GTF2F1: variants seen among roughly 807,000 people sequenced by gnomAD.
GTF2F1 encodes the protein general transcription factor IIF 74 kDa subunit.
A neutral mutation model predicts 63.5 loss-of-function variants in GTF2F1; 39 were observed. The observed-to-expected ratio is 0.61, with a 90% CI of 0.48 to 0.80. The LOEUF is 0.80. GTF2F1 is among the 30% of genes least tolerant of loss of function. GTF2F1 has a pLI of 0.00. For missense variants in GTF2F1, 657 were observed against 718.3 expected (o/e 0.91, Z 0.97); for synonymous variants, 287 against 285.3 (o/e 1.01, Z -0.06).
rs2145070906 is a variant in GTF2F1, at chr19:6,380,624, G to C, written c.1298C>G (p.Ser433Cys). Reference sequence around the variant, plus strand: ...TGGTGGCTGGGGTGTCGACTTCCCAGACAGGCTCTGGGGTCCCGTGTCCAG... The same window carrying C: ...TGGTGGCTGGGGTGTCGACTTCCCACACAGGCTCTGGGGTCCCGTGTCCAG... ...LRLDTGPQSLSGKSTPQPPSG... is the reference protein window; with the variant it reads ...LRLDTGPQSLCGKSTPQPPSG... Residue 433 changes from serine (S) to cysteine (C), a missense_variant, in exon 12 of 13, where the codon TCT becomes TGT. Transcript: ENST00000394456. This position sits in a 1 kb window ranked among gnomAD's most constrained non-coding sequence, Gnocchi z 5.3. 3 of 1,613,960 alleles carry C rather than the reference G, an allele frequency of 1.9e-6. No homozygotes were observed. The African/African-American group carries it at 4.0e-5, about 22-fold the overall frequency.
chr19:6,386,833 CCA>C (rs1205572206), intron 5 of GTF2F1: 1 of 153,840 alleles, frequency 6.5e-6, no homozygotes, highest in Non-Finnish European at 1.4e-5. Flanking sequence ...GTAGATGCGT[CCA>C]GAGTGCCCTC....
At position 6,380,125 on chromosome 19, in the gene GTF2F1, T is replaced by C. The variant is rs1020544351; in HGVS notation, c.*156A>G. 2 of 723,704 alleles carry C rather than the reference T, an allele frequency of 2.8e-6. No homozygotes were observed. The highest frequency in any genetic ancestry group is 3.5e-5 in the African/African-American group (2 of 57,448). 44.8% of individuals were successfully genotyped at this position (723,704 alleles called of 1,614,324 possible). On this transcript the variant is annotated 3_prime_UTR_variant, in exon 13 of 13. Coordinates refer to ENST00000394456, the MANE Select transcript of GTF2F1 (RefSeq NM_002096.3). The surrounding 1 kb of genome is among the most constrained non-coding windows in gnomAD (Gnocchi z 5.3). Reference sequence around the variant, plus strand: ...TCCAGAATTGCTAACTACGGGGCCCTGGGAGTCAGGGAGCAAGCAGGATGT... The same window carrying C: ...TCCAGAATTGCTAACTACGGGGCCCCGGGAGTCAGGGAGCAAGCAGGATGT...
rs553160989 is a variant in GTF2F1, at chr19:6,383,383, C to T, written c.610G>A (p.Glu204Lys). The T allele has an allele frequency of 8.7e-6, 14 of 1,614,236 alleles. No homozygotes were observed. Among genetic ancestry groups the T allele is most frequent in the African/African-American group, 4.0e-5 (3 of 75,086 alleles). ...KEKRGRRKAS[E>K]LRIHDLEDDL... Reference sequence around the variant, plus strand: ...TCCTCCAGGTCGTGGATGCGCAGCTCGCTCGCCTTCCTGCGGCCACGTTTC... The same window carrying T: ...TCCTCCAGGTCGTGGATGCGCAGCTTGCTCGCCTTCCTGCGGCCACGTTTC... Residue 204 changes from glutamate (E) to lysine (K), a missense_variant, in exon 6 of 13, where the codon GAG (glutamate) becomes AAG (lysine). By Grantham distance (56) the Glu-to-Lys change is moderately conservative. Around this residue, in one of 2 missense-constraint regions of GTF2F1, gnomAD observed 602 missense variants for 625.6 expected, o/e 0.96. Coordinates refer to ENST00000394456, the MANE Select transcript of GTF2F1 (RefSeq NM_002096.3). The surrounding 1 kb of genome is among the most constrained non-coding windows in gnomAD (Gnocchi z 4.5).
At position 6,381,866 on chromosome 19, in the gene GTF2F1, A is replaced by T. The variant is rs1408567781; in HGVS notation, c.683-16T>A. On this transcript the variant is annotated splice_polypyrimidine_tract_variant and intron_variant, in intron 6 of 12. Coordinates refer to ENST00000394456, the MANE Select transcript of GTF2F1 (RefSeq NM_002096.3). This position sits in a 1 kb window ranked among gnomAD's most constrained non-coding sequence, Gnocchi z 4.1. Reference sequence around the variant, plus strand: ...ACTCTGCCCCCTGGGAAGGGAGGAAAGGAAGGAAAGGAGGGAAAGTGAGGA... The same window carrying T: ...ACTCTGCCCCCTGGGAAGGGAGGAATGGAAGGAAAGGAGGGAAAGTGAGGA... 6 of 1,601,974 alleles carry T rather than the reference A, an allele frequency of 3.7e-6. No homozygotes were observed. The highest frequency in any genetic ancestry group is 5.1e-6 in the Non-Finnish European group (6 of 1,172,972).
At position 6,383,429 on chromosome 19, in the gene GTF2F1, G is replaced by T; in HGVS notation, c.564C>A (p.Asp188Glu). 6.2e-7 allele frequency: 1 copy of T among 1,614,120 alleles called. No individual in the cohort carries two copies. Among genetic ancestry groups the T allele is most frequent in the Non-Finnish European group, 8.5e-7 (1 of 1,180,028 alleles). Residue 188 changes from aspartate (D) to glutamate (E), a missense_variant, in exon 6 of 13, where the codon GAC (aspartate) becomes GAA (glutamate). Physicochemically the swap from Asp to Glu is conservative, Grantham distance 45. Transcript: ENST00000394456. This position sits in a 1 kb window ranked among gnomAD's most constrained non-coding sequence, Gnocchi z 4.5. ...QQRRLKDQDQ[D>E]EDEEEKEKRG... Reference sequence around the variant, plus strand: ...GTTTCTCCTTCTCCTCCTCATCCTCGTCCTGGTCCTGATCCTTGAGCCGCC... The same window carrying T: ...GTTTCTCCTTCTCCTCCTCATCCTCTTCCTGGTCCTGATCCTTGAGCCGCC...
Position 6,383,827 on chromosome 19 carries a change from C to G in GTF2F1, c.498-332G>C, listed in dbSNP as rs143217518. Among the ~76,000 whole-genome samples, 1 of 152,066 alleles carries G rather than the reference C, an allele frequency of 6.6e-6. No homozygotes were observed. The highest frequency in any genetic ancestry group is 6.6e-5 in the Admixed American group (1 of 15,262). ...TTTTTTATTTTCTGAGACAGAGTATCGCTCTGTCGCCCAGACTGGAGTGCA... is the reference window on the plus strand; with the variant it reads ...TTTTTTATTTTCTGAGACAGAGTATGGCTCTGTCGCCCAGACTGGAGTGCA... On this transcript the variant is annotated intron_variant, in intron 5 of 12. Transcript: ENST00000394456. This position sits in a 1 kb window ranked among gnomAD's most constrained non-coding sequence, Gnocchi z 4.5.
At chr19:6,382,426 G>A (rs1468825206) in intron 6 of GTF2F1, among the ~76,000 whole-genome samples, 1 of 152,104 alleles carries the variant, frequency 6.6e-6, no homozygotes, top group African/African-American at 2.4e-5. Context: ...GAGGTCGGGA[G>A]TTTGAGACCA....
Position 6,380,936 on chromosome 19 carries a change from G to A in GTF2F1, c.1199C>T (p.Thr400Ile), listed in dbSNP as rs2091945090. ...GAGTTTGCTGGCAGCCGCCCGCAGG[G>A]TGGAGGAGGTGCTGCCACCCTCTGC... ...PSAEGGSTSSTLRAAASKLEQ... is the reference protein window; with the variant it reads ...PSAEGGSTSSILRAAASKLEQ... The change falls in exon 11 of 13, where the codon ACC becomes ATC. Residue 400 changes from threonine to isoleucine, a missense_variant. This residue lies in a region of GTF2F1 where 602 missense variants were observed against 625.6 expected (regional missense o/e 0.96). Coordinates refer to ENST00000394456, the MANE Select transcript of GTF2F1 (RefSeq NM_002096.3). The surrounding 1 kb of genome is among the most constrained non-coding windows in gnomAD (Gnocchi z 5.3). 2.5e-6 allele frequency: 4 copies of A among 1,583,078 alleles called. No homozygotes were observed. The highest frequency in any genetic ancestry group is 3.4e-6 in the Non-Finnish European group (4 of 1,165,454).
rs759726117 is a variant in GTF2F1, at chr19:6,381,860, G to A, written c.683-10C>T. The A allele has an allele frequency of 6.0e-5, 96 of 1,607,386 alleles. 1 individual carries two copies. The South Asian group carries it at 1.0e-3, about 17-fold the overall frequency. ...TTGGGGACTCTGCCCCCTGGGAAGG[G>A]AGGAAAGGAAGGAAAGGAGGGAAAG... On this transcript the variant is annotated splice_polypyrimidine_tract_variant and intron_variant, in intron 6 of 12. Transcript: ENST00000394456. The surrounding 1 kb of genome is among the most constrained non-coding windows in gnomAD (Gnocchi z 4.1).
At position 6,380,460 on chromosome 19, in the gene GTF2F1, C is replaced by T. The variant is rs560145579; in HGVS notation, c.1375G>A (p.Val459Met). The stretch of plus-strand genomic sequence containing the variant: ...GGCTTCCGTGTCAGGTAGCGGCGCA[C>T]GGCATCCTCAGTCACCTGCACGTCG... Reference protein sequence around the residue: ...SGDVQVTEDAVRRYLTRKPMT... With the variant: ...SGDVQVTEDAMRRYLTRKPMT... The change falls in exon 13 of 13, where the codon GTG becomes ATG. Residue 459 changes from valine (V) to methionine (M), a missense_variant. Transcript: ENST00000394456. The surrounding 1 kb of genome is among the most constrained non-coding windows in gnomAD (Gnocchi z 5.3). 100 of 1,614,026 alleles carry T rather than the reference C, an allele frequency of 6.2e-5. 1 individual carries two copies. Among genetic ancestry groups the T allele is most frequent in the Middle Eastern group, 1.6e-4 (1 of 6,062 alleles).
intron 4 of GTF2F1, among the ~76,000 whole-genome samples, 170 bp from the exon 5 acceptor site, chr19:6,387,729 TG>T (rs531532812): frequency 1.1e-4 from 17 of 150,578 alleles, no homozygotes; most frequent in African/African-American, 4.1e-4. Flanking sequence ...TTTCCACATC[TG>T]GGGAACAGGG....
intron 5 of GTF2F1, chr19:6,387,124 G>A (rs2091976702): frequency 4.4e-6 from 2 of 450,782 alleles, no homozygotes; most frequent in Non-Finnish European, 8.0e-6. Context: ...GAAAGCCAAG[G>A]GGGCAGTTAG....
intron 3 of GTF2F1, among the ~76,000 whole-genome samples, chr19:6,391,045 A>G (rs2091995121): frequency 6.6e-6 from 1 of 151,850 alleles, no homozygotes; most frequent in Admixed American, 6.6e-5. Context: ...TTTCCAAAAC[A>G]CTCTAGAATC....
At chr19:6,389,773 G>A (rs2091989510) in intron 3 of GTF2F1, 136 bp from the exon 4 acceptor site, 1 of 699,120 alleles carries the variant, frequency 1.4e-6, no homozygotes, top group Non-Finnish European at 2.4e-6. Flanking sequence ...AACAAGGGAG[G>A]AGAACGGTAG....
intron 4 of GTF2F1, 132 bp downstream of exon 4, chr19:6,389,311 TG>T (rs758882563): frequency 2.1e-4 from 108 of 506,430 alleles, no homozygotes; most frequent in Middle Eastern, 5.7e-4. Context: ...CCTACAGGGA[TG>T]GAAGTGCCAG....
In GTF2F1 at chr19:6,383,963, ATTT is replaced by A. The variant is rs558460545; in HGVS notation, c.498-471_498-469del. Among the ~76,000 whole-genome samples, 2 of 138,312 alleles carry A rather than the reference ATTT, an allele frequency of 1.4e-5. No individual in the cohort carries two copies. Among genetic ancestry groups the A allele is most frequent in the Admixed American group, 7.2e-5 (1 of 13,858 alleles). The allele number at this position is 138,312 out of a possible 152,430, so 90.7% of individuals were successfully genotyped here. A position where few individuals can be genotyped will look rare whatever the true frequency, so the allele number is the denominator to read the frequency against. ...AGGCGCCTGCCACCACGCCCAGCTA[ATTT>A]TTTTTTTTTTTTGTATTTTTAGTAG... On this transcript the variant is annotated intron_variant, in intron 5 of 12. Transcript: ENST00000394456. The surrounding 1 kb of genome is among the most constrained non-coding windows in gnomAD (Gnocchi z 4.5).
chr19:6,389,429 C>A lies in GTF2F1; in HGVS notation c.326+15G>T. 6.2e-7 allele frequency: 1 copy of A among 1,610,328 alleles called. No homozygotes were observed. The highest frequency in any genetic ancestry group is 8.5e-7 in the Non-Finnish European group (1 of 1,177,062). On this transcript the variant is annotated intron_variant, in intron 4 of 12. Transcript: ENST00000394456. ...CTGGTCACTAAGCCGGCACCGCCACCGCCCCACCACTTACTTCCTGCCTGA... is the reference window on the plus strand; with the variant it reads ...CTGGTCACTAAGCCGGCACCGCCACAGCCCCACCACTTACTTCCTGCCTGA...
chr19:6,386,397 C>A (rs8103574), intron 5 of GTF2F1, among the ~76,000 whole-genome samples: 38,961 of 148,956 alleles, frequency 0.26, 6,840 homozygotes, highest in African/African-American at 0.52. Context: ...CAAAAAAAAA[C>A]ACACAAACAA....
chr19:6,384,182 G>T (rs2091965744), intron 5 of GTF2F1, among the ~76,000 whole-genome samples: 1 of 151,610 alleles, frequency 6.6e-6, no homozygotes, highest in African/African-American at 2.4e-5. Context: ...ATGTAACGTT[G>T]TCTCATTGCT....
Sources: gnomAD v4.1 joint callset for allele counts (sites outside exome capture counted in the v4.1 genomes callset) on GRCh38, gnomAD v4.1.1 for gene constraint, gnomAD v4.1.1 regional missense constraint, Gnocchi (gnomAD v3.1) non-coding constraint, MANE v1.5 for transcripts, NCBI Gene and HGNC (gene_info 2026-07-23, HGNC 2026-07-21) for gene names.